C6orf132: variants seen among roughly 807,000 people sequenced by gnomAD.
The protein encoded by C6orf132 is chromosome 6 open reading frame 132, also known as uncharacterized protein C6orf132.
A neutral mutation model predicts 65.3 loss-of-function variants in C6orf132; 43 were observed. The ratio of observed to expected loss-of-function variants is 0.66; its 90% CI spans 0.52 to 0.85. C6orf132 has a LOEUF of 0.85. C6orf132 is among the 40% of genes least tolerant of loss of function. The probability of loss-of-function intolerance (pLI) is 0.00; values close to 1 mark genes in which losing one functional copy is unlikely to be tolerated. For missense variants in C6orf132, 1,488 were observed against 1,548.8 expected (o/e 0.96, Z 0.66); for synonymous variants, 631 against 654.1 (o/e 0.96, Z 0.54).
Position 42,106,874 on chromosome 6 carries a change from G to T in C6orf132, c.1038C>A (p.Ile346=). 11 of 1,535,700 alleles carry T rather than the reference G, an allele frequency of 7.2e-6. No individual in the cohort carries two copies. The highest frequency in any genetic ancestry group is 9.6e-6 in the Non-Finnish European group (11 of 1,146,184). ...SRLPLPPSFH[I]RPASQVYPDR... is the part of the protein sequence containing the mutation. ...CTGGGTAGACCTGGGAGGCGGGGCG[G>T]ATGTGGAAGCTGGGAGGCAGTGGGA... Residue 346 remains isoleucine (I), a synonymous_variant, in exon 4 of 5, where the codon ATC becomes ATA. Transcript: ENST00000341865.
At chr6:42,118,698 G>C (rs1413356345) in intron 2 of C6orf132, among the ~76,000 whole-genome samples, 1 of 152,030 alleles carries the variant, frequency 6.6e-6, no homozygotes, top group African/African-American at 2.4e-5. Flanking sequence ...GGCTGCCTGG[G>C]GCAGAGTCCA....
chr6:42,137,985 GA>G (rs1470858532), intron 1 of C6orf132, among the ~76,000 whole-genome samples: 2 of 152,208 alleles, frequency 1.3e-5, no homozygotes, highest in African/African-American at 4.8e-5. Flanking sequence ...TTGAACCCGG[GA>G]GGTAGAAGGT....
rs1370228163 is a variant in C6orf132 at position 42,110,309 on chromosome 6, G to A, written c.253-18C>T. 2 of 1,534,222 alleles carry A rather than the reference G, an allele frequency of 1.3e-6. No homozygotes were observed. The highest frequency in any genetic ancestry group is 1.8e-6 in the Non-Finnish European group (2 of 1,136,838). ...TGGGCATTCTGAAAGAGACCAGAAA[G>A]AAATCAGGGGACAGGGAAAGATGGA... On this transcript the variant is annotated intron_variant, in intron 2 of 4. Transcript: ENST00000341865.
chr6:42,132,873 A>G (rs1463792959), intron 1 of C6orf132, among the ~76,000 whole-genome samples: 2 of 150,140 alleles, frequency 1.3e-5, no homozygotes, highest in African/African-American at 4.9e-5. Flanking sequence ...AAAAAAGAAA[A>G]GAAAAGAAAA....
chr6:42,121,709 A>G (rs1766687045), intron 2 of C6orf132, among the ~76,000 whole-genome samples: 1 of 151,918 alleles, frequency 6.6e-6, no homozygotes, highest in African/African-American at 2.4e-5. Flanking sequence ...TCCTCACCAG[A>G]CTCCTCCTGG....
chr6:42,115,654 A>AAAAT (rs760676270), intron 2 of C6orf132, among the ~76,000 whole-genome samples: 28 of 152,322 alleles, frequency 1.8e-4, no homozygotes, highest in African/African-American at 4.3e-4. Context: ...TCAAAAAAAT[A>AAAAT]AAATAAATAA....
intron 2 of C6orf132, among the ~76,000 whole-genome samples, chr6:42,114,798 A>G (rs1446963123): frequency 6.6e-6 from 1 of 151,916 alleles, no homozygotes; most frequent in Non-Finnish European, 1.5e-5. Flanking sequence ...GGAGGTCAGG[A>G]GTTTGAGACC....
rs767543354 is a variant in C6orf132 at position 42,105,192 on chromosome 6, G to A, written c.2720C>T (p.Pro907Leu). Residue 907 changes from proline (P) to leucine (L), a missense_variant, in exon 4 of 5, where the codon CCG (proline) becomes CTG (leucine). Pro to Leu is a moderately conservative substitution (Grantham distance 98, BLOSUM62 -3). Coordinates refer to ENST00000341865, the MANE Select transcript of C6orf132 (RefSeq NM_001164446.3). Reference sequence around the variant, plus strand: ...CTTATTGGGTATTTCGGTCGTCAGCGGGGAGTCCTTCTCAGCCTCCTTGGG... The same window carrying A: ...CTTATTGGGTATTTCGGTCGTCAGCAGGGAGTCCTTCTCAGCCTCCTTGGG... Reference protein sequence around the residue: ...KLPKEAEKDSPLTTEIPNKWG... With the variant: ...KLPKEAEKDSLLTTEIPNKWG... 5 of 1,537,152 alleles carry A rather than the reference G, an allele frequency of 3.3e-6. No homozygotes were observed. The South Asian group carries it at 4.8e-5, about 15-fold the overall frequency.
chr6:42,124,858 C>T lies in C6orf132; in HGVS notation c.252+3814G>A, dbSNP rs1042335115. Reference sequence around the variant, plus strand: ...AGCCGCCAGCCGGATTCCCCTCCACCCGGGAGCAAGCGACGAACGACATGG... The same window carrying T: ...AGCCGCCAGCCGGATTCCCCTCCACTCGGGAGCAAGCGACGAACGACATGG... On this transcript the variant is annotated intron_variant, in intron 2 of 4. Transcript: ENST00000341865. This position sits in a 1 kb window ranked among gnomAD's most constrained non-coding sequence, Gnocchi z 4.0. Among the ~76,000 whole-genome samples the T allele has an allele frequency of 5.3e-5, 8 of 152,204 alleles. No individual in the cohort carries two copies. The highest frequency in any genetic ancestry group is 8.8e-5 in the Non-Finnish European group (6 of 68,044).
intron 1 of C6orf132, among the ~76,000 whole-genome samples, chr6:42,133,229 G>A (rs1230039983): frequency 1.3e-5 from 2 of 152,206 alleles, no homozygotes; most frequent in East Asian, 3.8e-4. Flanking sequence ...TTCCCTTGAG[G>A]AAGGAGGGGC....
chr6:42,133,288 C>T (rs1191517060), intron 1 of C6orf132, among the ~76,000 whole-genome samples: 1 of 152,240 alleles, frequency 6.6e-6, no homozygotes, highest in Admixed American at 6.5e-5. Context: ...ATGATTTGCT[C>T]TCGGAACAAG....
intron 1 of C6orf132, among the ~76,000 whole-genome samples, chr6:42,131,601 G>C (rs554564185): frequency 6.6e-6 from 1 of 152,166 alleles, no homozygotes; most frequent in Non-Finnish European, 1.5e-5. Flanking sequence ...GGCTCGGCTC[G>C]GCTCTGGCCA....
At chr6:42,118,151 A>G (rs1766612343) in intron 2 of C6orf132, among the ~76,000 whole-genome samples, 3 of 152,174 alleles carry the variant, frequency 2.0e-5, no homozygotes, top group Admixed American at 6.5e-5. Flanking sequence ...TCGTGTGGGC[A>G]GTGACCTGGA....
rs1432545816 is a variant in C6orf132 at position 42,106,001 on chromosome 6, C to T, written c.1911G>A (p.Leu637=). Residue 637 remains leucine (L), a synonymous_variant, in exon 4 of 5, where the codon TTG becomes TTA. Transcript: ENST00000341865. ...TGGCCTTGGGTGGTATGGCTGGTCC[C>T]AACATAGCCTTGGGCTGGAGTGATG... The part of the protein sequence containing the change: ...PTTSLQPKAM[L]GPAIPPKATP... 6.5e-7 allele frequency: 1 copy of T among 1,537,160 alleles called. No homozygotes were observed.
chr6:42,119,448 A>ACC (rs1766644331), intron 2 of C6orf132, among the ~76,000 whole-genome samples: 1 of 146,872 alleles, frequency 6.8e-6, no homozygotes, highest in Non-Finnish European at 1.5e-5. Context: ...AGGTTCAAGC[A>ACC]ATTCTTCTGC....
At chr6:42,126,706 G>C in intron 2 of C6orf132, 1 of 315,674 alleles carries the variant, frequency 3.2e-6, no homozygotes, top group Non-Finnish European at 5.8e-6. Flanking sequence ...TGCCGGGCAT[G>C]GTGGTGGGCA....
At chr6:42,141,043 T>C (rs995374784) in intron 1 of C6orf132, among the ~76,000 whole-genome samples, 1 of 152,260 alleles carries the variant, frequency 6.6e-6, no homozygotes, top group East Asian at 1.9e-4. Flanking sequence ...GTCATCTCTC[T>C]TCTTTGCTTT....
intron 2 of C6orf132, among the ~76,000 whole-genome samples, chr6:42,125,408 G>T (rs1254461449): frequency 6.6e-6 from 1 of 152,198 alleles, no homozygotes; most frequent in African/African-American, 2.4e-5. Context: ...ACGTGGAATG[G>T]TGCCTGGCAC....
Position 42,124,823 on chromosome 6 carries a change from G to C in C6orf132, c.252+3849C>G, listed in dbSNP as rs1453936612. On this transcript the variant is annotated intron_variant, in intron 2 of 4. Coordinates refer to ENST00000341865, the MANE Select transcript of C6orf132 (RefSeq NM_001164446.3). The surrounding 1 kb of genome is among the most constrained non-coding windows in gnomAD (Gnocchi z 4.0). ...GGAGAGGAGTCAGAAGCTCAGACAGGAGAGAATTAAGCCGCCAGCCGGATT... is the reference window on the plus strand; with the variant it reads ...GGAGAGGAGTCAGAAGCTCAGACAGCAGAGAATTAAGCCGCCAGCCGGATT... 6.6e-6 allele frequency among the ~76,000 whole-genome samples: 1 copy of C among 152,210 alleles called. No homozygotes were observed. Among genetic ancestry groups the C allele is most frequent in the African/African-American group, 2.4e-5 (1 of 41,462 alleles).
Sources: gnomAD v4.1 joint callset for allele counts (sites outside exome capture counted in the v4.1 genomes callset) on GRCh38, gnomAD v4.1.1 for gene constraint, Gnocchi (gnomAD v3.1) non-coding constraint, MANE v1.5 for transcripts, NCBI Gene and HGNC (gene_info 2026-07-23, HGNC 2026-07-21) for gene names.